NUMB: variants seen among roughly 807,000 people sequenced by gnomAD.
NUMB encodes NUMB endocytic adaptor protein.
NUMB carries 29 observed loss-of-function variants against 59.7 expected under a neutral mutation model. The ratio of observed to expected loss-of-function variants is 0.49; its 90% CI spans 0.36 to 0.66. NUMB has a LOEUF of 0.66. Ranked by LOEUF, NUMB falls within the 30% of genes least tolerant of loss-of-function variation. The pLI, the probability that NUMB is intolerant of heterozygous loss-of-function variation, is 0.00. For synonymous variants in NUMB, 288 were observed against 288.2 expected (o/e 1.00, Z 0.01); for missense variants, 723 against 822.0 (o/e 0.88, Z 1.47).
Position 73,397,404 on chromosome 14 carries a change from G to T in NUMB, c.-101+12533C>A, listed in dbSNP as rs187981080. Among the ~76,000 whole-genome samples, 317 of 152,248 alleles carry T rather than the reference G, an allele frequency of 2.1e-3. 1 individual carries two copies. The highest frequency in any genetic ancestry group is 3.4e-3 in the Non-Finnish European group (231 of 68,008). On this transcript the variant is annotated intron_variant, in intron 2 of 12. Transcript: ENST00000555238. ...GCCAGCCTGGGGAGGAATTCAGCGG[G>T]GAGAAAGAAGCCCTGCTTTGTAGCA...
chr14:73,367,164 T>C (rs1285994207), intron 2 of NUMB, among the ~76,000 whole-genome samples, 183 bp from the exon 3 acceptor site: 1 of 151,380 alleles, frequency 6.6e-6, no homozygotes, highest in East Asian at 1.9e-4. Context: ...CTCCAGTAAC[T>C]GTAAGATCCA....
rs768523636 is a variant in NUMB, at chr14:73,276,707, G to A, written c.1827C>T (p.Gly609=). Reference sequence around the variant, plus strand: ...CTTCAAAAGGATCCACTGGGCAGGTGCCTGTAGGAACCTCTGTATGCCTGT... The same window carrying A: ...CTTCAAAAGGATCCACTGGGCAGGTACCTGTAGGAACCTCTGTATGCCTGT... ...SADRHTEVPT[G]TCPVDPFEAQ... The change falls in exon 13 of 13, where the codon GGC becomes GGT. Residue 609 remains glycine, a synonymous_variant. Coordinates refer to ENST00000555238, the MANE Select transcript of NUMB (RefSeq NM_001005743.2). 3.2e-5 allele frequency: 52 copies of A among 1,614,008 alleles called. No individual in the cohort carries two copies. The Admixed American group carries it at 8.2e-4, about 25-fold the overall frequency.
At chr14:73,292,089 A>T (rs1019283556) in intron 8 of NUMB, among the ~76,000 whole-genome samples, 1 of 151,898 alleles carries the variant, frequency 6.6e-6, no homozygotes, top group Admixed American at 6.6e-5. Context: ...CCCAGGCTGG[A>T]GTGTAATGGC....
chr14:73,408,597 G>A (rs1896779603), intron 2 of NUMB, among the ~76,000 whole-genome samples: 1 of 151,972 alleles, frequency 6.6e-6, no homozygotes. Flanking sequence ...AAAATTCCAG[G>A]CTGGACGCGG....
intron 4 of NUMB, among the ~76,000 whole-genome samples, chr14:73,343,125 G>C (rs1341401686): frequency 6.6e-6 from 1 of 151,928 alleles, no homozygotes; most frequent in Non-Finnish European, 1.5e-5. Flanking sequence ...CTCTGTGCCT[G>C]ACCACAAAAG....
chr14:73,280,686 ATTT>A lies in NUMB; in HGVS notation c.1097-1265_1097-1263del, dbSNP rs397852698. ...CAGCCATGCCTATGGTGTTGGTACT[ATTT>A]TTTTTTTTTTTTTTTTTTTTTGAGA... On this transcript the variant is annotated intron_variant, in intron 11 of 12. Transcript: ENST00000555238. Among the ~76,000 whole-genome samples the A allele has an allele frequency of 3.6e-3, 316 of 87,700 alleles. 1 individual carries two copies. The highest frequency in any genetic ancestry group is 0.011 in the African/African-American group (226 of 21,434). The allele number at this position is 87,700 out of a possible 152,430, so 57.5% of individuals were successfully genotyped here. A position where few individuals can be genotyped will look rare whatever the true frequency, so the allele number is the denominator to read the frequency against.
intron 1 of NUMB, among the ~76,000 whole-genome samples, chr14:73,414,942 G>A (rs999819730): frequency 2.0e-5 from 3 of 152,038 alleles, no homozygotes; most frequent in Non-Finnish European, 4.4e-5. Context: ...GGATGGTCTC[G>A]ATCTGCTGAC....
chr14:73,410,473 G>T (rs1408344039), intron 1 of NUMB, among the ~76,000 whole-genome samples: 1 of 152,156 alleles, frequency 6.6e-6, no homozygotes, highest in East Asian at 1.9e-4. Context: ...CGTCTCTATG[G>T]GATTGATTTT....
rs924417383 is a variant in NUMB at position 73,396,602 on chromosome 14, T to C, written c.-101+13335A>G. The stretch of plus-strand genomic sequence containing the variant: ...CTGGGCTGGTCTCAAACTCCTGAGC[T>C]CAACTGATACTCCTGTCTTAGCCTC... On this transcript the variant is annotated intron_variant, in intron 2 of 12. Coordinates refer to ENST00000555238, the MANE Select transcript of NUMB (RefSeq NM_001005743.2). 2.6e-5 allele frequency among the ~76,000 whole-genome samples: 4 copies of C among 152,130 alleles called. No individual in the cohort carries two copies. In the East Asian group the frequency reaches 7.7e-4, roughly 29 times the overall value.
At chr14:73,369,078 G>A (rs1219491353) in intron 2 of NUMB, among the ~76,000 whole-genome samples, 2 of 145,406 alleles carry the variant, frequency 1.4e-5, no homozygotes, top group African/African-American at 5.1e-5. Context: ...GTCTCACACT[G>A]TCGCCCAGGC....
chr14:73,366,085 A>G (rs1894329725), intron 3 of NUMB, among the ~76,000 whole-genome samples: 1 of 152,256 alleles, frequency 6.6e-6, no homozygotes, highest in East Asian at 1.9e-4. Context: ...ACCTGAAAAT[A>G]TGGACATTTA....
At chr14:73,448,523 T>G (rs1431594157) in intron 1 of NUMB, among the ~76,000 whole-genome samples, 1 of 152,144 alleles carries the variant, frequency 6.6e-6, no homozygotes, top group East Asian at 1.9e-4. Flanking sequence ...ATACAGATTT[T>G]TCTTTCATTT....
intron 4 of NUMB, among the ~76,000 whole-genome samples, chr14:73,347,302 A>G (rs1395305703): frequency 6.6e-6 from 1 of 152,192 alleles, no homozygotes; most frequent in Non-Finnish European, 1.5e-5. Context: ...TTACTGAAAT[A>G]TATTTATATA....
intron 2 of NUMB, among the ~76,000 whole-genome samples, chr14:73,369,018 A>T (rs555360560): frequency 6.6e-6 from 1 of 151,002 alleles, no homozygotes; most frequent in Admixed American, 6.7e-5. Context: ...ATAAAAATGT[A>T]CTAAATAAAC....
chr14:73,354,143 T>TGGAA (rs1893636033), intron 4 of NUMB, among the ~76,000 whole-genome samples: 2 of 152,082 alleles, frequency 1.3e-5, no homozygotes, highest in Admixed American at 1.3e-4. Context: ...TCAGAAGCTT[T>TGGAA]AGCCCATATT....
chr14:73,367,348 T>TATATATATATAGAGAG (rs1555375287), intron 2 of NUMB, among the ~76,000 whole-genome samples: 19 of 105,300 alleles, frequency 1.8e-4, no homozygotes, highest in African/African-American at 6.5e-4. Flanking sequence ...TATATATATA[T>TATATATATATAGAGAG]AGAGAGAGAG....
intron 2 of NUMB, among the ~76,000 whole-genome samples, chr14:73,367,378 A>AG (rs1894418528): frequency 1.2e-5 from 1 of 81,262 alleles, no homozygotes; most frequent in African/African-American, 6.2e-5. Context: ...GAGAGAGACA[A>AG]ATAGGATATT....
At chr14:73,362,351 T>G (rs1341476442) in intron 3 of NUMB, among the ~76,000 whole-genome samples, 1 of 151,972 alleles carries the variant, frequency 6.6e-6, no homozygotes, top group Non-Finnish European at 1.5e-5. Flanking sequence ...CGATTCCCAG[T>G]TCCAGAGATG....
intron 2 of NUMB, among the ~76,000 whole-genome samples, chr14:73,389,934 T>C (rs1007280594): frequency 1.3e-5 from 2 of 152,162 alleles, no homozygotes; most frequent in Admixed American, 1.3e-4. Context: ...ATCTACATTT[T>C]ATATACTTAT....
Sources: allele counts gnomAD v4.1 joint callset (sites outside exome capture counted in the v4.1 genomes callset), GRCh38; gene constraint gnomAD v4.1.1; transcripts MANE v1.5; gene names NCBI Gene and HGNC (gene_info 2026-07-23, HGNC 2026-07-21).